The following RXYLT1 variants were observed in gnomAD, a reference collection of about 807,000 sequenced individuals.
RXYLT1 encodes ribitol xylosyltransferase 1, also known as ribitol-5-phosphate xylosyltransferase 1.
RXYLT1 carries 41 observed loss-of-function variants against 43.5 expected under a neutral mutation model. The observed-to-expected ratio is 0.94, with a 90% confidence interval of 0.73 to 1.22. RXYLT1 has a LOEUF of 1.22. Among genes scored for constraint, RXYLT1 ranks in the 50% most tolerant of loss-of-function variants. The probability of loss-of-function intolerance (pLI) is 0.00; values close to 1 mark genes in which losing one functional copy is unlikely to be tolerated. For missense variants in RXYLT1, 514 were observed against 532.0 expected, an observed-to-expected ratio of 0.97 and a Z score of 0.33; for synonymous variants, 166 against 194.4, an observed-to-expected ratio of 0.85 and a Z score of 1.21.
intron 3 of RXYLT1, 74 bp from the exon 4 acceptor site, chr12:63,802,017 G>A: frequency 1.5e-6 from 2 of 1,341,518 alleles, no homozygotes; most frequent in East Asian, 2.3e-5. Flanking sequence ...TGTATAAAAT[G>A]ATGAATTTCT....
intron 3 of RXYLT1, among the ~76,000 whole-genome samples, chr12:63,797,646 GCTCTTGGACTTTATT>G (rs1898065115): frequency 6.6e-6 from 1 of 152,146 alleles, no homozygotes; most frequent in Non-Finnish European, 1.5e-5. Context: ...CCACATTAAG[GCTCTTGGACTTTATT>G]CTAGGGTAGT....
intron 3 of RXYLT1, among the ~76,000 whole-genome samples, chr12:63,799,477 G>T (rs1316617712): frequency 2.0e-5 from 3 of 151,608 alleles, no homozygotes; most frequent in African/African-American, 7.3e-5. Context: ...TTTTTGTAGA[G>T]ATGGGTTTTC....
chr12:63,802,247 T>C lies in RXYLT1; in HGVS notation c.585T>C (p.His195=), dbSNP rs1269292460. The stretch of plus-strand genomic sequence containing the variant: ...TAGTGCAAATTCAAAAACTCCAGCA[T>C]CTTGCTGTTGTTTTGCTCGGAAATG... The part of the protein sequence containing the change: ...QNLVQIQKLQ[H]LAVVLLGNEH... The change falls in exon 4 of 6, where the codon CAT becomes CAC. Residue 195 remains histidine (H), a synonymous_variant. Coordinates refer to ENST00000261234, the MANE Select transcript of RXYLT1 (RefSeq NM_014254.3). 1 of 1,614,016 alleles carries C rather than the reference T, an allele frequency of 6.2e-7. No individual in the cohort carries two copies. The highest frequency in any genetic ancestry group is 8.5e-7 in the Non-Finnish European group (1 of 1,180,020).
intron 3 of RXYLT1, among the ~76,000 whole-genome samples, chr12:63,795,126 A>T (rs1295472788): frequency 2.0e-5 from 3 of 152,130 alleles, no homozygotes; most frequent in Non-Finnish European, 4.4e-5. Flanking sequence ...GCGAAACTGT[A>T]TCTCTACAAA....
intron 2 of RXYLT1, chr12:63,782,434 G>A: frequency 2.2e-6 from 1 of 449,062 alleles, no homozygotes; most frequent in Non-Finnish European, 4.5e-6. Context: ...TTCATAAAAA[G>A]TAGCACAAGT....
intron 3 of RXYLT1, among the ~76,000 whole-genome samples, chr12:63,795,285 A>AAGAAG (rs1565903311): frequency 5.2e-4 from 78 of 150,172 alleles, no homozygotes; most frequent in South Asian, 1.7e-3. Context: ...TGTCAAAAAA[A>AAGAAG]AAGAAGAAGA....
At chr12:63,797,903 C>T (rs147476722) in intron 3 of RXYLT1, among the ~76,000 whole-genome samples, 24 of 151,850 alleles carry the variant, frequency 1.6e-4, no homozygotes, top group African/African-American at 5.3e-4. Flanking sequence ...GCAAAATGGT[C>T]GGAATTTAGG....
At chr12:63,805,647 G>T in intron 5 of RXYLT1, 1 of 343,628 alleles carries the variant, frequency 2.9e-6, no homozygotes, top group East Asian at 4.7e-5. Flanking sequence ...GCAAATTTCA[G>T]TTGTTAGGGT....
chr12:63,805,259 G>T lies in RXYLT1; in HGVS notation c.769G>T (p.Ala257Ser). 6.2e-7 allele frequency: 1 copy of T among 1,600,870 alleles called. No homozygotes were observed. Among genetic ancestry groups the T allele is most frequent in the Non-Finnish European group, 8.5e-7 (1 of 1,176,032 alleles). Residue 257 changes from alanine (A) to serine (S), a missense_variant, in exon 5 of 6, where the codon GCA (alanine) becomes TCA (serine). Physicochemically the swap from Ala to Ser is moderately conservative, Grantham distance 99 (BLOSUM62 1). Transcript: ENST00000261234. ...ATACAGGAATTTTCCTGTGGTGGAG[G>T]CAAGTTGGTCAATGCTGCATGATGA... ...ATYRNFPVVE[A>S]SWSMLHDERP...
chr12:63,798,912 T>C (rs190664215), intron 3 of RXYLT1, among the ~76,000 whole-genome samples: 158 of 152,332 alleles, frequency 1.0e-3, no homozygotes, highest in African/African-American at 3.7e-3. Context: ...TTTTTTTAAG[T>C]CACTTTTAAG....
chr12:63,783,368 G>A (rs774866637), intron 2 of RXYLT1, among the ~76,000 whole-genome samples: 12 of 152,120 alleles, frequency 7.9e-5, no homozygotes, highest in Non-Finnish European at 1.3e-4. Flanking sequence ...GGCTGAGGCA[G>A]GAGAATTGCT....
intron 4 of RXYLT1, 77 bp downstream of exon 4, chr12:63,802,482 G>A: frequency 1.4e-6 from 2 of 1,387,908 alleles, no homozygotes; most frequent in Non-Finnish European, 1.9e-6. Flanking sequence ...ATTCAAAATT[G>A]TAATAAATTT....
intron 2 of RXYLT1, among the ~76,000 whole-genome samples, chr12:63,783,470 A>G (rs560309835): frequency 2.6e-5 from 4 of 152,276 alleles, no homozygotes; most frequent in Admixed American, 6.5e-5. Flanking sequence ...CAAAAAAAAA[A>G]AACATTGCAT....
chr12:63,807,338 TGC>T (rs1182764697), intron 5 of RXYLT1: 1 of 152,250 alleles, frequency 6.6e-6, no homozygotes, highest in African/African-American at 2.4e-5. Flanking sequence ...CCTGCACCCA[TGC>T]AACTACACAT....
At chr12:63,783,882 C>T (rs1170434390) in intron 2 of RXYLT1, among the ~76,000 whole-genome samples, 1 of 152,090 alleles carries the variant, frequency 6.6e-6, no homozygotes, top group African/African-American at 2.4e-5. Context: ...AGAGGAGAAC[C>T]TGTTTCCTTA....
At chr12:63,801,434 T>C (rs569015010) in intron 3 of RXYLT1, among the ~76,000 whole-genome samples, 6 of 152,312 alleles carry the variant, frequency 3.9e-5, no homozygotes, top group African/African-American at 7.2e-5. Flanking sequence ...ACTAAACCAT[T>C]ATTTTACAGA....
rs772718584 is a variant in RXYLT1, at chr12:63,809,084, A to G, written c.1324A>G (p.Lys442Glu). 4.0e-6 allele frequency: 6 copies of G among 1,511,734 alleles called. No homozygotes were observed. Among genetic ancestry groups the G allele is most frequent in the Non-Finnish European group, 5.4e-6 (6 of 1,118,458 alleles). 93.6% of individuals were successfully genotyped at this position (1,511,734 alleles called of 1,614,324 possible). A position where few individuals can be genotyped will look rare whatever the true frequency, so the allele number is the denominator to read the frequency against. The change falls in exon 6 of 6, where the codon AAA (lysine) becomes GAA (glutamate). Residue 442 changes from lysine (K) to glutamate (E), a missense_variant. Physicochemically the swap from Lys to Glu is moderately conservative, Grantham distance 56. Coordinates refer to ENST00000261234, the MANE Select transcript of RXYLT1 (RefSeq NM_014254.3). ...AGAAAGCTCATTTTTAATGAATAAT[A>G]AAAGTTAATTATCTTTTTGAGCTAA... ...ILESSFLMNN[K>E]S
chr12:63,801,310 C>T (rs117863741), intron 3 of RXYLT1, among the ~76,000 whole-genome samples: 4,962 of 152,050 alleles, frequency 0.033, 112 homozygotes, highest in Middle Eastern at 0.065. Context: ...TGCCATTCTT[C>T]GTTTCTTAAT....
intron 3 of RXYLT1, among the ~76,000 whole-genome samples, chr12:63,801,457 T>C (rs1354735251): frequency 6.6e-6 from 1 of 152,172 alleles, no homozygotes; most frequent in African/African-American, 2.4e-5. Flanking sequence ...TCCATGCTAT[T>C]CAATTATATT....
Sources: gnomAD v4.1 joint callset for allele counts (sites outside exome capture counted in the v4.1 genomes callset) on GRCh38, gnomAD v4.1.1 for gene constraint, MANE v1.5 for transcripts, NCBI Gene and HGNC (gene_info 2026-07-23, HGNC 2026-07-21) for gene names.